PGM5: variants seen among roughly 807,000 people sequenced by gnomAD.
PGM5 encodes phosphoglucomutase 5.
Under a neutral mutation model 59.2 loss-of-function variants are expected in PGM5, and 23 were observed. The ratio of observed to expected loss-of-function variants is 0.39; its 90% CI spans 0.28 to 0.55. The LOEUF (loss-of-function observed/expected upper bound fraction) is 0.55, where lower values mean the gene tolerates loss of function less well. Ranked by LOEUF, PGM5 falls within the 20% of genes least tolerant of loss-of-function variation. The pLI, the probability that PGM5 is intolerant of heterozygous loss-of-function variation, is 0.66. For missense variants in PGM5, 574 were observed against 748.3 expected (o/e 0.77, Z 2.72); for synonymous variants, 214 against 286.0 (o/e 0.75, Z 2.54).
At chr9:68,413,982 T>C (rs2132041082) in intron 6 of PGM5, among the ~76,000 whole-genome samples, 1 of 152,288 alleles carries the variant, frequency 6.6e-6, no homozygotes, top group Non-Finnish European at 1.5e-5. Context: ...GTTTGGATCA[T>C]GAGATGAGGA....
chr9:68,440,853 A>G (rs1255936291), intron 6 of PGM5, among the ~76,000 whole-genome samples: 5 of 152,078 alleles, frequency 3.3e-5, no homozygotes, highest in African/African-American at 1.2e-4. Flanking sequence ...AAACAATTTA[A>G]AACACCAATA....
chr9:68,466,085 A>G, intron 7 of PGM5: 1 of 1,210,640 alleles, frequency 8.3e-7, no homozygotes, highest in South Asian at 1.3e-5. Context: ...CATGTGTTAG[A>G]TAATTTGTGA....
At chr9:68,439,416 TATATA>T (rs1370057164) in intron 6 of PGM5, among the ~76,000 whole-genome samples, 5 of 146,466 alleles carry the variant, frequency 3.4e-5, no homozygotes, top group South Asian at 2.1e-4. Flanking sequence ...TATATAAATA[TATATA>T]ATATAATATA....
rs1296389168 is a variant in PGM5, at chr9:68,357,405, C to T, written c.261+17C>T. On this transcript the variant is annotated intron_variant, in intron 1 of 10. Transcript: ENST00000396396. Reference sequence around the variant, plus strand: ...GCCAACGGGGTGAGTGTCCGGATGCCCCTCGCTTCCCGCCGCGCCGCCGCC... The same window carrying T: ...GCCAACGGGGTGAGTGTCCGGATGCTCCTCGCTTCCCGCCGCGCCGCCGCC... 1 of 1,552,732 alleles carries T rather than the reference C, an allele frequency of 6.4e-7. No individual in the cohort carries two copies. Among genetic ancestry groups the T allele is most frequent in the Non-Finnish European group, 8.7e-7 (1 of 1,151,970 alleles).
intron 6 of PGM5, among the ~76,000 whole-genome samples, chr9:68,445,307 A>G (rs1265768484): frequency 6.6e-6 from 1 of 152,164 alleles, no homozygotes; most frequent in Admixed American, 6.5e-5. Flanking sequence ...TGCATTTTTA[A>G]ACAACGTTGT....
At chr9:68,518,578 G>T (rs1824855618) in intron 10 of PGM5, among the ~76,000 whole-genome samples, 1 of 152,166 alleles carries the variant, frequency 6.6e-6, no homozygotes, top group Admixed American at 6.5e-5. Context: ...CCAAGATGTT[G>T]AAATTAAAGA....
chr9:68,430,315 CT>C (rs1326255231), intron 6 of PGM5, among the ~76,000 whole-genome samples: 2 of 152,206 alleles, frequency 1.3e-5, no homozygotes, highest in African/African-American at 4.8e-5. Context: ...TGTGCGTGAG[CT>C]ATGGCCTTGG....
intron 10 of PGM5, among the ~76,000 whole-genome samples, chr9:68,511,009 G>A (rs1824740168): frequency 6.6e-6 from 1 of 152,208 alleles, no homozygotes; most frequent in Non-Finnish European, 1.5e-5. Flanking sequence ...TTATGTGGAT[G>A]AAGCCTCTAA....
chr9:68,428,714 C>A (rs933416903), intron 6 of PGM5: 1 of 152,178 alleles, frequency 6.6e-6, no homozygotes, highest in African/African-American at 2.4e-5. Flanking sequence ...AATGTTGGTT[C>A]TTAATGTTAA....
chr9:68,478,804 T>C (rs1824145392), intron 7 of PGM5, among the ~76,000 whole-genome samples: 1 of 152,236 alleles, frequency 6.6e-6, no homozygotes, highest in Non-Finnish European at 1.5e-5. Flanking sequence ...GATTCCTAAC[T>C]TAATTGTATC....
At chr9:68,411,096 C>T (rs568035211) in intron 6 of PGM5, among the ~76,000 whole-genome samples, 1 of 152,246 alleles carries the variant, frequency 6.6e-6, no homozygotes, top group South Asian at 2.1e-4. Flanking sequence ...CAGAAGTCCT[C>T]CTGTGCCATA....
intron 6 of PGM5, among the ~76,000 whole-genome samples, chr9:68,421,196 T>A (rs1298715079): frequency 6.6e-6 from 1 of 152,210 alleles, no homozygotes; most frequent in Non-Finnish European, 1.5e-5. Context: ...GATCTTCCCC[T>A]AATCGGCCCT....
At chr9:68,523,068 G>C (rs1587233843) in intron 10 of PGM5, among the ~76,000 whole-genome samples, 2 of 152,124 alleles carry the variant, frequency 1.3e-5, no homozygotes, top group East Asian at 3.8e-4. Flanking sequence ...AAATCCCCGA[G>C]GCAAATAATC....
At chr9:68,467,349 A>G (rs1161344736) in intron 7 of PGM5, among the ~76,000 whole-genome samples, 1 of 152,182 alleles carries the variant, frequency 6.6e-6, no homozygotes, top group Non-Finnish European at 1.5e-5. Flanking sequence ...GCCAAAGCTG[A>G]GAGAATTTTC....
intron 10 of PGM5, among the ~76,000 whole-genome samples, chr9:68,512,204 T>A (rs1432048399): frequency 2.0e-5 from 3 of 152,248 alleles, no homozygotes; most frequent in Non-Finnish European, 4.4e-5. Flanking sequence ...GGGTGTGTGA[T>A]GAAAGGCAGG....
intron 6 of PGM5, chr9:68,398,157 A>T (rs1490521656): frequency 4.7e-5 from 7 of 149,038 alleles, no homozygotes; most frequent in Non-Finnish European, 1.0e-4. Flanking sequence ...TCTCCCATAC[A>T]TTGCTTCTGC....
chr9:68,442,292 CT>C (rs376067350), intron 6 of PGM5, among the ~76,000 whole-genome samples: 3,602 of 151,268 alleles, frequency 0.024, 132 homozygotes, highest in African/African-American at 0.08. Flanking sequence ...TTATTTTTTT[CT>C]TTTTTTTTGA....
At chr9:68,440,251 A>G (rs528096153) in intron 6 of PGM5, among the ~76,000 whole-genome samples, 1 of 152,318 alleles carries the variant, frequency 6.6e-6, no homozygotes, top group South Asian at 2.1e-4. Context: ...TTACATTTAT[A>G]GAACCCTCCA....
At chr9:68,377,499 C>A (rs1372448358) in intron 1 of PGM5, among the ~76,000 whole-genome samples, 3 of 152,096 alleles carry the variant, frequency 2.0e-5, no homozygotes, top group Non-Finnish European at 2.9e-5. Context: ...AATTTTAAAA[C>A]AAGGTGTAGC....
Sources: allele counts gnomAD v4.1 joint callset (sites outside exome capture counted in the v4.1 genomes callset), GRCh38; gene constraint gnomAD v4.1.1; transcripts MANE v1.5; gene names NCBI Gene and HGNC (gene_info 2026-07-23, HGNC 2026-07-21).